The following FBXO5 variants were observed in gnomAD, a reference collection of about 807,000 sequenced individuals.
The protein encoded by FBXO5 is F-box only protein 5.
A neutral mutation model predicts 43.3 loss-of-function variants in FBXO5; 8 were observed. The observed-to-expected ratio is 0.18, with a 90% CI of 0.11 to 0.33. FBXO5 has a LOEUF of 0.33. Ranked by LOEUF, FBXO5 falls within the 10% of genes least tolerant of loss-of-function variation. FBXO5 has a pLI of 1.00. For missense variants in FBXO5, 491 were observed against 535.7 expected (o/e 0.92, Z 0.82); for synonymous variants, 204 against 193.7 (o/e 1.05, Z -0.44).
At position 152,975,054 on chromosome 6, in the gene FBXO5, A is replaced by G. The variant is rs1331907704; in HGVS notation, c.671T>C (p.Ile224Thr). The G allele has an allele frequency of 6.2e-7, 1 of 1,614,158 alleles. No individual in the cohort carries two copies. Among genetic ancestry groups the G allele is most frequent in the Non-Finnish European group, 8.5e-7 (1 of 1,180,028 alleles). ...KVDREMLKEI[I>T]ARGNFRLQNI... The stretch of plus-strand genomic sequence containing the variant: ...CTGCAGTCTAAAATTTCCTCTGGCT[A>G]TAATTTCCTTCAGCATCTCCCGATC... The change falls in exon 2 of 5, where the codon ATA (isoleucine) becomes ACA (threonine). Residue 224 changes from isoleucine to threonine, a missense_variant. Coordinates refer to ENST00000229758, the MANE Select transcript of FBXO5 (RefSeq NM_012177.5).
intron 1 of FBXO5, 72 bp from the exon 2 acceptor site, chr6:152,975,693 A>G: frequency 1.1e-6 from 1 of 940,004 alleles, no homozygotes; most frequent in Non-Finnish European, 1.6e-6. Flanking sequence ...AAATTGGGAT[A>G]TACAAAGATT....
At chr6:152,978,673 T>C (rs1227865078) in intron 1 of FBXO5, among the ~76,000 whole-genome samples, 4 of 152,126 alleles carry the variant, frequency 2.6e-5, no homozygotes, top group African/African-American at 9.7e-5. Flanking sequence ...GCAACAACAG[T>C]ATTTTCACAT....
chr6:152,982,782 G>T (rs1778283319), intron 1 of FBXO5, 75 bp downstream of exon 1: 3 of 1,046,844 alleles, frequency 2.9e-6, no homozygotes, highest in South Asian at 1.8e-5. Flanking sequence ...GTCGGGTCAG[G>T]GTCTCAGGCT....
At chr6:152,981,619 TGAG>T (rs999261225) in intron 1 of FBXO5, among the ~76,000 whole-genome samples, 5 of 151,138 alleles carry the variant, frequency 3.3e-5, no homozygotes, top group African/African-American at 1.2e-4. Flanking sequence ...CATTTCTTTC[TGAG>T]GAGCAAGGTA....
intron 1 of FBXO5, among the ~76,000 whole-genome samples, chr6:152,981,791 T>C (rs1056449972): frequency 1.3e-5 from 2 of 152,144 alleles, no homozygotes; most frequent in Non-Finnish European, 2.9e-5. Context: ...AGTTCTTTTT[T>C]AATAATAGAG....
At chr6:152,975,711 A>G in intron 1 of FBXO5, 90 bp from the exon 2 acceptor site, 1 of 781,184 alleles carries the variant, frequency 1.3e-6, no homozygotes, top group Non-Finnish European at 2.0e-6. Flanking sequence ...ATTACTTTGC[A>G]ATCTCTCAGC....
chr6:152,972,944 T>C (rs1778108757), intron 3 of FBXO5, 102 bp downstream of exon 3: 1 of 819,828 alleles, frequency 1.2e-6, no homozygotes. Context: ...AAATACTTTA[T>C]GACTGTAAAG....
chr6:152,982,633 G>A (rs1258871044), intron 1 of FBXO5, among the ~76,000 whole-genome samples: 1 of 152,128 alleles, frequency 6.6e-6, no homozygotes, highest in Non-Finnish European at 1.5e-5. Context: ...GGACCCCGCG[G>A]CCCGCCATCC....
chr6:152,982,838 G>T lies in FBXO5; in HGVS notation c.103+19C>A. ...CTCCTGGCGTGCGCGCCCCCCTCGC[G>T]ACCGCTCCCCTCACTCACTATCCGA... On this transcript the variant is annotated intron_variant, in intron 1 of 4. Transcript: ENST00000229758. 1 of 1,480,310 alleles carries T rather than the reference G, an allele frequency of 6.8e-7. No homozygotes were observed. The highest frequency in any genetic ancestry group is 1.3e-5 in the South Asian group (1 of 79,368). 91.7% of individuals were successfully genotyped at this position (1,480,310 alleles called of 1,614,324 possible).
chr6:152,972,842 A>G (rs1411429339), intron 3 of FBXO5: 8 of 445,382 alleles, frequency 1.8e-5, no homozygotes, highest in Non-Finnish European at 3.1e-5. Context: ...GTTACTTTAG[A>G]CATTCTATTT....
Position 152,971,115 on chromosome 6 carries a change from A to G in FBXO5, c.*48T>C. The G allele has an allele frequency of 6.5e-7, 1 of 1,530,296 alleles. No individual in the cohort carries two copies. The highest frequency in any genetic ancestry group is 8.8e-7 in the Non-Finnish European group (1 of 1,140,386). The allele number at this position is 1,530,296 out of a possible 1,614,324, so 94.8% of individuals were successfully genotyped here. ...AATTTTTTTTAAGTTAAAACCTAAC[A>G]TTTTCTAACTAACATTCATGATCAG... On this transcript the variant is annotated 3_prime_UTR_variant, in exon 5 of 5. Coordinates refer to ENST00000229758, the MANE Select transcript of FBXO5 (RefSeq NM_012177.5).
Position 152,970,545 on chromosome 6 carries a change from CA to C in FBXO5, c.*617del, listed in dbSNP as rs1258023040. 1 of 151,948 alleles carries C rather than the reference CA, an allele frequency of 6.6e-6. No homozygotes were observed. 9.4% of individuals were successfully genotyped at this position (151,948 alleles called of 1,614,324 possible). A position where few individuals can be genotyped will look rare whatever the true frequency, so the allele number is the denominator to read the frequency against. On this transcript the variant is annotated 3_prime_UTR_variant, in exon 5 of 5. Coordinates refer to ENST00000229758, the MANE Select transcript of FBXO5 (RefSeq NM_012177.5). ...ACATTAAGCTTACAATTTTATTGAG[CA>C]AAATTTATTTTTATATGTACATACA...
upstream of FBXO5, chr6:152,983,167 G>A (rs960089373): frequency 1.8e-5 from 7 of 398,900 alleles, no homozygotes; most frequent in Admixed American, 4.5e-5. Flanking sequence ...GGGCGCCCTC[G>A]TCCGCGCCCA....
At chr6:152,973,016 T>A in intron 3 of FBXO5, 30 bp downstream of exon 3, 1 of 1,575,210 alleles carries the variant, frequency 6.3e-7, no homozygotes, top group Non-Finnish European at 8.7e-7. Flanking sequence ...AGTGCATTTT[T>A]AACTAAAAAC....
chr6:152,972,132 A>G (rs1001138953), intron 4 of FBXO5, 140 bp downstream of exon 4: 4 of 526,846 alleles, frequency 7.6e-6, no homozygotes, highest in African/African-American at 5.7e-5. Flanking sequence ...TTAAATGATC[A>G]TTAATATCAG....
intron 3 of FBXO5, 154 bp from the exon 4 acceptor site, chr6:152,972,608 A>AAAACCT: frequency 3.4e-6 from 2 of 586,048 alleles, no homozygotes; most frequent in Non-Finnish European, 5.9e-6. Context: ...TAAACAAAGC[A>AAAACCT]AAACCTAAAT....
rs374374061 is a variant in FBXO5 at position 152,981,660 on chromosome 6, G to GA, written c.103+1196dup. ...AAAGACAATTAGAGTTATCAAAAAA[G>GA]AAAAAAAAAAAACCCTCATAAGGCC... On this transcript the variant is annotated intron_variant, in intron 1 of 4. Coordinates refer to ENST00000229758, the MANE Select transcript of FBXO5 (RefSeq NM_012177.5). Among the ~76,000 whole-genome samples the GA allele has an allele frequency of 1.6e-3, 206 of 131,906 alleles. 1 individual carries two copies. The highest frequency in any genetic ancestry group is 2.8e-3 in the East Asian group (13 of 4,570). The allele number at this position is 131,906 out of a possible 152,430, so 86.5% of individuals were successfully genotyped here. A position where few individuals can be genotyped will look rare whatever the true frequency, so the allele number is the denominator to read the frequency against.
intron 3 of FBXO5, chr6:152,972,709 T>C (rs1778105382): frequency 4.1e-6 from 2 of 482,292 alleles, no homozygotes; most frequent in Non-Finnish European, 7.3e-6. Flanking sequence ...TGGTACTTAA[T>C]ACCTAAAAAG....
chr6:152,971,303 C>T lies in FBXO5; in HGVS notation c.1204G>A (p.Gly402Arg). Reference sequence around the variant, plus strand: ...AGACACTTCGTACAATAATCAAATCCACAGCCTTCTCGTTTGCAGGTTGCC... The same window carrying T: ...AGACACTTCGTACAATAATCAAATCTACAGCCTTCTCGTTTGCAGGTTGCC... ...QRATCKREGCGFDYCTKCLCN... is the reference protein window; with the variant it reads ...QRATCKREGCRFDYCTKCLCN... The change falls in exon 5 of 5, where the codon GGA becomes AGA. Residue 402 changes from glycine to arginine, a missense_variant. Coordinates refer to ENST00000229758, the MANE Select transcript of FBXO5 (RefSeq NM_012177.5). The T allele has an allele frequency of 6.2e-7, 1 of 1,613,956 alleles. No homozygotes were observed. Among genetic ancestry groups the T allele is most frequent in the Non-Finnish European group, 8.5e-7 (1 of 1,179,944 alleles).
Sources: gnomAD v4.1 joint callset for allele counts (sites outside exome capture counted in the v4.1 genomes callset) on GRCh38, gnomAD v4.1.1 for gene constraint, MANE v1.5 for transcripts, NCBI Gene and HGNC (gene_info 2026-07-23, HGNC 2026-07-21) for gene names.